Variants in NLN observed in about 807,000 individuals in gnomAD.
The protein encoded by NLN is neurolysin, mitochondrial.
In NLN, 64 loss-of-function variants were observed where a neutral mutation model predicts 79.9. The observed-to-expected ratio is 0.80, with a 90% CI of 0.65 to 0.99. The LOEUF is 0.99. NLN is among the 50% of genes least tolerant of loss of function. The pLI, the probability that NLN is intolerant of heterozygous loss-of-function variation, is 0.00. For missense variants in NLN, 835 were observed against 858.7 expected (o/e 0.97, Z 0.34); for synonymous variants, 267 against 296.6 (o/e 0.90, Z 1.02).
At chr5:65,786,532 C>T (rs1327023272) in intron 7 of NLN, among the ~76,000 whole-genome samples, 1 of 152,128 alleles carries the variant, frequency 6.6e-6, no homozygotes, top group Non-Finnish European at 1.5e-5. Context: ...AGGCAGTATG[C>T]TAAATAGTAG....
chr5:65,739,041 A>ATAATATATAATATATATAT (rs1491129785), intron 1 of NLN, among the ~76,000 whole-genome samples: 8 of 135,620 alleles, frequency 5.9e-5, no homozygotes, highest in African/African-American at 8.2e-5. Flanking sequence ...ATATATATAT[A>ATAATATATAATATATATAT]AAAAATATAT....
intron 11 of NLN, among the ~76,000 whole-genome samples, chr5:65,811,387 C>G (rs528902874): frequency 2.6e-5 from 4 of 152,102 alleles, no homozygotes; most frequent in Non-Finnish European, 4.4e-5. Context: ...CAAGAAGGGA[C>G]ATTTTTAGGC....
At chr5:65,819,015 A>G (rs941102671) in intron 12 of NLN, 1 of 152,216 alleles carries the variant, frequency 6.6e-6, no homozygotes, top group Non-Finnish European at 1.5e-5. Flanking sequence ...ATATTACCTG[A>G]AAGGGTGCAT....
At chr5:65,760,081 G>C (rs1759307479) in intron 2 of NLN, among the ~76,000 whole-genome samples, 1 of 152,098 alleles carries the variant, frequency 6.6e-6, no homozygotes, top group African/African-American at 2.4e-5. Context: ...TGGGCATTTT[G>C]GAATTTGAAA....
intron 8 of NLN, among the ~76,000 whole-genome samples, chr5:65,789,156 ACT>A (rs1760001201): frequency 6.6e-6 from 1 of 151,804 alleles, no homozygotes; most frequent in Admixed American, 6.6e-5. Flanking sequence ...TTAAAAAAAG[ACT>A]CTACTCTTCC....
chr5:65,792,629 C>T lies in NLN; in HGVS notation c.1501C>T (p.His501Tyr). The stretch of plus-strand genomic sequence containing the variant: ...GAGGACTTACTTTCATGAGTTTGGT[C>T]ACGTGATGCATCAGATTTGTGCACA... ...EVRTYFHEFGHVMHQICAQTD... is the reference protein window; with the variant it reads ...EVRTYFHEFGYVMHQICAQTD... The change falls in exon 9 of 13, where the codon CAC becomes TAC. Residue 501 changes from histidine to tyrosine, a missense_variant. Physicochemically the swap from His to Tyr is moderately conservative, Grantham distance 83. Transcript: ENST00000380985. The T allele has an allele frequency of 1.2e-6, 2 of 1,613,746 alleles. No individual in the cohort carries two copies. Among genetic ancestry groups the T allele is most frequent in the East Asian group, 2.2e-5 (1 of 44,882 alleles).
intron 11 of NLN, among the ~76,000 whole-genome samples, chr5:65,811,404 T>C (rs1303337885): frequency 6.6e-6 from 1 of 152,148 alleles, no homozygotes; most frequent in African/African-American, 2.4e-5. Context: ...AGGCCTGGCA[T>C]GGTGGCTCAC....
At chr5:65,775,143 A>G (rs1215662927) in intron 3 of NLN, among the ~76,000 whole-genome samples, 1 of 152,180 alleles carries the variant, frequency 6.6e-6, no homozygotes, top group Non-Finnish European at 1.5e-5. Context: ...AACATAGACT[A>G]TGAGTTTTGA....
At chr5:65,774,715 T>TTATATA (rs201576019) in intron 3 of NLN, among the ~76,000 whole-genome samples, 2 of 134,082 alleles carry the variant, frequency 1.5e-5, no homozygotes, top group South Asian at 2.4e-4. Flanking sequence ...CATATATAAA[T>TTATATA]TATATATATA....
intron 12 of NLN, 47 bp downstream of exon 12, chr5:65,812,438 C>T (rs768979424): frequency 1.5e-4 from 195 of 1,274,762 alleles, no homozygotes; most frequent in Non-Finnish European, 2.1e-4. Flanking sequence ...GTTGCTCCCT[C>T]CCCTTTAACT....
chr5:65,769,001 G>C (rs887067496), intron 3 of NLN, among the ~76,000 whole-genome samples: 3 of 152,238 alleles, frequency 2.0e-5, no homozygotes, highest in Non-Finnish European at 4.4e-5. Flanking sequence ...CATTTGTGTG[G>C]GTTAATTTGG....
intron 9 of NLN, among the ~76,000 whole-genome samples, chr5:65,807,852 A>T (rs1271153580): frequency 6.6e-6 from 1 of 152,222 alleles, no homozygotes; most frequent in Non-Finnish European, 1.5e-5. Flanking sequence ...GGCTTACTTT[A>T]TTGTGATATT....
intron 9 of NLN, among the ~76,000 whole-genome samples, chr5:65,796,822 T>C (rs1760182567): frequency 6.6e-6 from 1 of 152,206 alleles, no homozygotes; most frequent in African/African-American, 2.4e-5. Flanking sequence ...CTAAGAAACA[T>C]ATAGTGAATT....
rs758007102 is a variant in NLN at position 65,731,649 on chromosome 5, A to G, written c.41+9235A>G. ...AAATTTTTATACAGTCAGAAATATC[A>G]GTCTTTTCCTTTATGATTTCTGCCT... On this transcript the variant is annotated intron_variant, in intron 1 of 12. Transcript: ENST00000380985. Among the ~76,000 whole-genome samples, 4 of 151,374 alleles carry G rather than the reference A, an allele frequency of 2.6e-5. No homozygotes were observed. The Admixed American group carries it at 2.6e-4, about 10-fold the overall frequency.
chr5:65,795,860 A>C (rs971010972), intron 9 of NLN, among the ~76,000 whole-genome samples: 8 of 152,194 alleles, frequency 5.3e-5, no homozygotes, highest in African/African-American at 1.9e-4. Context: ...TATTTTTCTT[A>C]ATTTTAGACT....
chr5:65,780,234 AC>A lies in NLN; in HGVS notation c.616del (p.Leu206SerfsTer26). 6.7e-7 allele frequency: 1 copy of A among 1,499,226 alleles called. No homozygotes were observed. The highest frequency in any genetic ancestry group is 1.8e-5 in the Admixed American group (1 of 56,224). 92.9% of individuals were successfully genotyped at this position (1,499,226 alleles called of 1,614,324 possible). ...MSELCIDFNK[N>X]LNEDDTFLVF... is the part of the protein sequence containing the mutation. ...GAGCTATGTATTGATTTTAACAAAA[AC>A]CTCAATGAGGATGATACCTTCCTTG... On this transcript the variant is annotated frameshift_variant, in exon 5 of 13. Transcript: ENST00000380985. LOFTEE classifies it high-confidence loss of function.
At chr5:65,791,530 C>A (rs2561202) in intron 8 of NLN, among the ~76,000 whole-genome samples, 44,232 of 151,940 alleles carry the variant, frequency 0.29, 7,236 homozygotes, top group Non-Finnish European at 0.37. Context: ...CGCACCCCAG[C>A]CTGGGCAACA....
At position 65,820,745 on chromosome 5, in the gene NLN, C is replaced by T. The variant is rs111800906; in HGVS notation, c.1981-2036C>T. Among the ~76,000 whole-genome samples, 1,019 of 137,538 alleles carry T rather than the reference C, an allele frequency of 7.4e-3. 7 individuals carry two copies. Among genetic ancestry groups the T allele is most frequent in the African/African-American group, 0.026 (972 of 37,902 alleles). 90.2% of individuals were successfully genotyped at this position (137,538 alleles called of 152,430 possible). ...TTTTTTGTTTGTTTGTTTGTTTTCC[C>T]GAAAGCTAATTGAAGGCTGGGCACA... On this transcript the variant is annotated intron_variant, in intron 12 of 12. Transcript: ENST00000380985.
intron 1 of NLN, among the ~76,000 whole-genome samples, chr5:65,727,370 A>G (rs2548779): frequency 0.23 from 34,653 of 152,006 alleles, 4,053 homozygotes; most frequent in Non-Finnish European, 0.24. Flanking sequence ...GGATCTTGCT[A>G]TGTTGCCGAG....
Sources: allele counts gnomAD v4.1 joint callset (sites outside exome capture counted in the v4.1 genomes callset), GRCh38; gene constraint gnomAD v4.1.1; transcripts MANE v1.5; gene names NCBI Gene and HGNC (gene_info 2026-07-23, HGNC 2026-07-21).